The following PCDHGB2 variants were observed in gnomAD, a reference collection of about 807,000 sequenced individuals.
PCDHGB2 encodes the protein protocadherin gamma subfamily B, 2, also known as protocadherin gamma-B2.
Under a neutral mutation model 59.3 loss-of-function variants are expected in PCDHGB2, and 55 were observed. The ratio of observed to expected loss-of-function variants is 0.93; its 90% CI spans 0.75 to 1.16. The LOEUF (loss-of-function observed/expected upper bound fraction) is 1.16, where lower values mean the gene tolerates loss of function less well. PCDHGB2 is among the 50% of genes most tolerant of loss of function. The pLI is 0.00. For missense variants in PCDHGB2, 1,228 were observed against 1,198.5 expected, an observed-to-expected ratio of 1.02 and a Z score of -0.36; for synonymous variants, 516 against 512.0, an observed-to-expected ratio of 1.01 and a Z score of -0.11.
At position 141,487,763 on chromosome 5, in the gene PCDHGB2, G is replaced by A; in HGVS notation, c.2422-7044G>A. ...AAGAGGTAACTATGTGGTAGACGCT[G>A]TGCTTTGTAACTGTTTCGTGAATTA... On this transcript the variant is annotated intron_variant, in intron 1 of 3. Coordinates refer to ENST00000522605, the MANE Select transcript of PCDHGB2 (RefSeq NM_018923.3). This position sits in a 1 kb window ranked among gnomAD's most constrained non-coding sequence, Gnocchi z 5.0. 6.5e-7 allele frequency: 1 copy of A among 1,544,968 alleles called. No homozygotes were observed. The highest frequency in any genetic ancestry group is 1.2e-5 in the South Asian group (1 of 83,382).
Position 141,362,287 on chromosome 5 carries a change from T to C in PCDHGB2, c.2152T>C (p.Ser718Pro), listed in dbSNP as rs1364587967. 36 of 1,613,948 alleles carry C rather than the reference T, an allele frequency of 2.2e-5. No homozygotes were observed. The highest frequency in any genetic ancestry group is 3.0e-5 in the Non-Finnish European group (35 of 1,179,914). The change falls in exon 1 of 4, where the codon TCT becomes CCT. Residue 718 changes from serine (S) to proline (P), a missense_variant. Ser to Pro is a moderately conservative substitution (Grantham distance 74, BLOSUM62 -1). Transcript: ENST00000522605. Reference sequence around the variant, plus strand: ...GGCAATCTCCCTGCGCCTGCGACTCTCTTCCAGGTCAGATGCTTGGGACTG... The same window carrying C: ...GGCAATCTCCCTGCGCCTGCGACTCCCTTCCAGGTCAGATGCTTGGGACTG... ...ILAISLRLRL[S>P]SRSDAWDCFQ...
Position 141,360,597 on chromosome 5 carries a change from T to G in PCDHGB2, c.462T>G (p.Leu154=). 1 of 1,614,020 alleles carries G rather than the reference T, an allele frequency of 6.2e-7. No individual in the cohort carries two copies. The highest frequency in any genetic ancestry group is 8.5e-7 in the Non-Finnish European group (1 of 1,179,898). The change falls in exon 1 of 4, where the codon CTT becomes CTG. Residue 154 remains leucine, a synonymous_variant. Transcript: ENST00000522605. ...ESTKPGTTFP[L]DPALDSDVGP... is the part of the protein sequence containing the mutation. ...CTAAGCCAGGTACAACATTTCCACT[T>G]GACCCAGCCCTGGATTCAGATGTTG...
At chr5:141,367,992 G>T (rs973749117) in intron 1 of PCDHGB2, among the ~76,000 whole-genome samples, 1 of 152,088 alleles carries the variant, frequency 6.6e-6, no homozygotes, top group Non-Finnish European at 1.5e-5. Context: ...TAATAGATTT[G>T]TCTTAATGAA....
intron 1 of PCDHGB2, chr5:141,395,561 T>C (rs1589266253): frequency 8.5e-6 from 2 of 235,114 alleles, no homozygotes; most frequent in East Asian, 1.7e-4. Context: ...TGTGTGTGTG[T>C]GTGTGTGTGT....
chr5:141,395,372 G>A, intron 1 of PCDHGB2: 2 of 1,191,834 alleles, frequency 1.7e-6, no homozygotes, highest in Non-Finnish European at 2.3e-6. Flanking sequence ...TTATTTTGGT[G>A]GTGTTACTAT....
chr5:141,383,931 T>C lies in PCDHGB2; in HGVS notation c.2421+21375T>C, dbSNP rs1017184990. ...CAGTTTTAGATGTAAATGATAATGC[T>C]CCAGAAGTGACTATGACGTCTTTAA... On this transcript the variant is annotated intron_variant, in intron 1 of 3. Transcript: ENST00000522605. 2.5e-6 allele frequency: 4 copies of C among 1,613,818 alleles called. No homozygotes were observed. In the South Asian group the frequency reaches 4.4e-5, roughly 18 times the overall value.
At chr5:141,371,184 G>C in intron 1 of PCDHGB2, 1 of 1,614,032 alleles carries the variant, frequency 6.2e-7, no homozygotes, top group Non-Finnish European at 8.5e-7. Context: ...CGTATTAAAA[G>C]TGATGGCCAT....
At position 141,467,151 on chromosome 5, in the gene PCDHGB2, C is replaced by T. The variant is rs527879624; in HGVS notation, c.2422-27656C>T. ...CACTGCAACCTCTGCCTCCCAGGTT[C>T]AAGTGATTCTCATCTCTCAGCCTCC... is the stretch of plus-strand genomic sequence containing the variant. On this transcript the variant is annotated intron_variant, in intron 1 of 3. Transcript: ENST00000522605. Among the ~76,000 whole-genome samples the T allele has an allele frequency of 4.0e-5, 6 of 151,660 alleles. No homozygotes were observed. In the East Asian group the frequency reaches 7.8e-4, roughly 20 times the overall value.
intron 1 of PCDHGB2, chr5:141,418,840 C>T: frequency 6.2e-7 from 1 of 1,614,006 alleles, no homozygotes; most frequent in Middle Eastern, 1.6e-4. Context: ...GAGGATCTCT[C>T]TCAACACGGT....
rs191165530 is a variant in PCDHGB2 at position 141,439,134 on chromosome 5, A to T, written c.2422-55673A>T. On this transcript the variant is annotated intron_variant, in intron 1 of 3. Coordinates refer to ENST00000522605, the MANE Select transcript of PCDHGB2 (RefSeq NM_018923.3). The stretch of plus-strand genomic sequence containing the variant: ...CTTGAACCCGGGAGACAGAGGTTGC[A>T]GTGAGCTGAGATCACGCCACTGCAC... Among the ~76,000 whole-genome samples the T allele has an allele frequency of 2.4e-3, 368 of 151,344 alleles. 1 individual carries two copies. Among genetic ancestry groups the T allele is most frequent in the African/African-American group, 8.5e-3 (349 of 41,216 alleles).
At chr5:141,374,388 G>T (rs779801370) in intron 1 of PCDHGB2, 3 of 1,614,044 alleles carry the variant, frequency 1.9e-6, no homozygotes, top group Non-Finnish European at 2.5e-6. Context: ...AGCCCGCGGT[G>T]TCTGGTGAGT....
At chr5:141,370,542 C>A in intron 1 of PCDHGB2, 1 of 1,613,902 alleles carries the variant, frequency 6.2e-7, no homozygotes, top group Non-Finnish European at 8.5e-7. Flanking sequence ...GGTAGGGAAC[C>A]TCGCCAAGGA....
At chr5:141,381,071 G>T (rs1343917347) in intron 1 of PCDHGB2, among the ~76,000 whole-genome samples, 1 of 152,172 alleles carries the variant, frequency 6.6e-6, no homozygotes, top group Non-Finnish European at 1.5e-5. Context: ...GATAACTATG[G>T]ATTATTTTGA....
intron 1 of PCDHGB2, chr5:141,371,030 C>T (rs62378420): frequency 0.034 from 55,625 of 1,613,990 alleles, 1,067 homozygotes; most frequent in Middle Eastern, 0.098. Flanking sequence ...ACCTGGTCCT[C>T]ACAGCTGTGG....
At chr5:141,383,550 C>T (rs1475330366) in intron 1 of PCDHGB2, 3 of 1,611,980 alleles carry the variant, frequency 1.9e-6, no homozygotes, top group Non-Finnish European at 1.7e-6. Flanking sequence ...CCTCTGATGG[C>T]GGCGACCCGC....
intron 1 of PCDHGB2, chr5:141,371,432 G>A (rs751667760): frequency 1.9e-6 from 3 of 1,614,002 alleles, no homozygotes; most frequent in South Asian, 1.1e-5. Context: ...ATGCCCCGGA[G>A]ATAACCCTGG....
chr5:141,415,210 C>G lies in PCDHGB2; in HGVS notation c.2421+52654C>G, dbSNP rs2095843973. The G allele has an allele frequency of 2.5e-6, 4 of 1,614,068 alleles. No individual in the cohort carries two copies. The highest frequency in any genetic ancestry group is 1.6e-4 in the Middle Eastern group (1 of 6,062). ...CAGCATCCCCCAAGTCCTGGCGGAC[C>G]TCGGCAGCTTCGAGTCTCCAGCTAA... is the stretch of plus-strand genomic sequence containing the variant. On this transcript the variant is annotated intron_variant, in intron 1 of 3. Coordinates refer to ENST00000522605, the MANE Select transcript of PCDHGB2 (RefSeq NM_018923.3).
At chr5:141,429,597 G>A (rs937301997) in intron 1 of PCDHGB2, among the ~76,000 whole-genome samples, 2 of 152,094 alleles carry the variant, frequency 1.3e-5, no homozygotes, top group Non-Finnish European at 2.9e-5. Flanking sequence ...TGTAATTCAA[G>A]TAAACTCAAT....
intron 1 of PCDHGB2, chr5:141,414,787 G>T (rs372484037): frequency 6.2e-7 from 1 of 1,614,230 alleles, no homozygotes; most frequent in Admixed American, 1.7e-5. Context: ...GCAGGTGACA[G>T]CCAGCGACAG....
Sources: gnomAD v4.1 joint callset for allele counts (sites outside exome capture counted in the v4.1 genomes callset) on GRCh38, gnomAD v4.1.1 for gene constraint, Gnocchi (gnomAD v3.1) non-coding constraint, MANE v1.5 for transcripts, NCBI Gene and HGNC (gene_info 2026-07-23, HGNC 2026-07-21) for gene names.